Variants in RBM25 observed in about 807,000 individuals in gnomAD.
RBM25 encodes the protein RNA binding motif protein 25.
RBM25 carries 19 observed loss-of-function variants against 120.7 expected under a neutral mutation model. The observed-to-expected ratio is 0.16, with a 90% CI of 0.11 to 0.23. The LOEUF (loss-of-function observed/expected upper bound fraction) is 0.23, where lower values mean the gene tolerates loss of function less well. RBM25 is among the 10% of genes least tolerant of loss of function. The pLI, the probability that RBM25 is intolerant of heterozygous loss-of-function variation, is 1.00. For synonymous variants in RBM25, 390 were observed against 326.7 expected (o/e 1.19, Z -2.09); for missense variants, 605 against 1,041.5 (o/e 0.58, Z 5.77).
At chr14:73,107,001 A>C (rs1896204603) in intron 12 of RBM25, among the ~76,000 whole-genome samples, 1 of 152,000 alleles carries the variant, frequency 6.6e-6, no homozygotes, top group African/African-American at 2.4e-5. Context: ...CACAACACCC[A>C]GCTAATATTT....
chr14:73,069,734 G>A (rs1194084175), intron 1 of RBM25: 2 of 87,946 alleles, frequency 2.3e-5, no homozygotes, highest in Non-Finnish European at 4.2e-5. Flanking sequence ...GTGCCTGGCC[G>A]ACCCTGTTTC....
chr14:73,070,433 T>C (rs1895256924), intron 1 of RBM25, among the ~76,000 whole-genome samples: 1 of 12,850 alleles, frequency 7.8e-5, no homozygotes, highest in South Asian at 4.4e-3. Context: ...CAAAGTTTAC[T>C]TTTAAGTTTA....
intron 1 of RBM25, among the ~76,000 whole-genome samples, chr14:73,065,577 A>G (rs1423657852): frequency 6.6e-6 from 1 of 151,548 alleles, no homozygotes; most frequent in Admixed American, 6.6e-5. Flanking sequence ...GGCGCACACT[A>G]CCATGCCTGG....
intron 16 of RBM25, 42 bp downstream of exon 16, chr14:73,111,844 T>A (rs1458299121): frequency 5.2e-6 from 8 of 1,525,038 alleles, no homozygotes; most frequent in Non-Finnish European, 7.0e-6. Flanking sequence ...TGGGAACAGT[T>A]GGAATATGCC....
rs570295615 is a variant in RBM25 at position 73,074,903 on chromosome 14, G to C, written c.107-1416G>C. 2.0e-4 allele frequency among the ~76,000 whole-genome samples: 31 copies of C among 151,538 alleles called. No homozygotes were observed. In the South Asian group the frequency reaches 3.7e-3, roughly 18 times the overall value. The stretch of plus-strand genomic sequence containing the variant: ...GTATTTTCTGTAGAGATGGGGTTTT[G>C]CCGTGTTGGCTCAAGCGATGTGCCT... On this transcript the variant is annotated intron_variant, in intron 2 of 18. Transcript: ENST00000261973.
chr14:73,068,657 G>C, intron 1 of RBM25: 2 of 370,064 alleles, frequency 5.4e-6, no homozygotes, highest in Non-Finnish European at 1.0e-5. Flanking sequence ...AGAAGGAAGC[G>C]CCAGGGACGC....
intron 5 of RBM25, 123 bp from the exon 6 acceptor site, chr14:73,087,878 G>A (rs1895724898): frequency 2.2e-6 from 2 of 894,424 alleles, no homozygotes; most frequent in African/African-American, 1.7e-5. Flanking sequence ...GGACAGGGGT[G>A]GAATTATGAA....
At chr14:73,089,161 A>G (rs573489478) in intron 6 of RBM25, among the ~76,000 whole-genome samples, 2 of 152,242 alleles carry the variant, frequency 1.3e-5, no homozygotes, top group South Asian at 2.1e-4. Flanking sequence ...AAAAAAGAAA[A>G]AAGAAATACC....
intron 5 of RBM25, among the ~76,000 whole-genome samples, chr14:73,084,470 C>A (rs545491802): frequency 5.3e-5 from 8 of 152,102 alleles, no homozygotes; most frequent in African/African-American, 1.9e-4. Flanking sequence ...TATAATTTGC[C>A]ATTAATCTAT....
chr14:73,089,366 GT>G (rs200569308), intron 6 of RBM25, among the ~76,000 whole-genome samples: 2 of 151,198 alleles, frequency 1.3e-5, no homozygotes, highest in Non-Finnish European at 3.0e-5. Context: ...TTTGTTTTTT[GT>G]TTTTTTTGAG....
intron 6 of RBM25, among the ~76,000 whole-genome samples, chr14:73,092,620 C>T (rs982905901): frequency 4.6e-5 from 7 of 150,824 alleles, no homozygotes; most frequent in Admixed American, 2.0e-4. Context: ...ATGTTCACCA[C>T]GTGCAGGTTT....
intron 1 of RBM25, among the ~76,000 whole-genome samples, chr14:73,062,680 T>G: frequency 6.6e-6 from 1 of 151,460 alleles, no homozygotes; most frequent in East Asian, 1.9e-4. Flanking sequence ...TCTTCAGGGT[T>G]TCTTTTTGGA....
intron 4 of RBM25, among the ~76,000 whole-genome samples, chr14:73,082,530 A>G (rs1047394496): frequency 6.6e-5 from 10 of 152,048 alleles, no homozygotes; most frequent in South Asian, 2.1e-4. Flanking sequence ...GGCTCAAGCA[A>G]TCCTTCCACA....
chr14:73,071,560 A>G, intron 1 of RBM25, 67 bp from the exon 2 acceptor site: 2 of 1,138,886 alleles, frequency 1.8e-6, no homozygotes, highest in Non-Finnish European at 2.6e-6. Context: ...ATGAAAGTCA[A>G]CAAAGAAGGC....
At chr14:73,112,389 T>G (rs939672165) in intron 17 of RBM25, 139 bp downstream of exon 17, 7 of 795,986 alleles carry the variant, frequency 8.8e-6, no homozygotes, top group Non-Finnish European at 1.2e-5. Flanking sequence ...TCTGCTTTTT[T>G]AAAGTTATTT....
intron 10 of RBM25, among the ~76,000 whole-genome samples, chr14:73,103,948 T>TCACACACACACACACA (rs368961634): frequency 1.1e-5 from 1 of 91,348 alleles, no homozygotes; most frequent in Non-Finnish European, 2.4e-5. Flanking sequence ...TCTCTCTCTC[T>TCACACACACACACACA]CACACACACA....
At chr14:73,116,068 AGTT>A (rs1251967894) in intron 18 of RBM25, among the ~76,000 whole-genome samples, 3 of 151,798 alleles carry the variant, frequency 2.0e-5, no homozygotes, top group Admixed American at 6.6e-5. Context: ...ACGTCCATGG[AGTT>A]GTTTTTTTTT....
At chr14:73,118,701 T>C (rs1452097996) in intron 18 of RBM25, among the ~76,000 whole-genome samples, 1 of 152,108 alleles carries the variant, frequency 6.6e-6, no homozygotes, top group East Asian at 1.9e-4. Flanking sequence ...TATGGTACTC[T>C]TTGTGTTTAG....
chr14:73,070,741 G>C (rs990801714), intron 1 of RBM25, among the ~76,000 whole-genome samples: 3 of 152,132 alleles, frequency 2.0e-5, no homozygotes, highest in African/African-American at 7.2e-5. Context: ...GAGATCAGGA[G>C]ACCGAGACCA....
Sources: allele counts gnomAD v4.1 joint callset (sites outside exome capture counted in the v4.1 genomes callset), GRCh38; gene constraint gnomAD v4.1.1; transcripts MANE v1.5; gene names NCBI Gene and HGNC (gene_info 2026-07-23, HGNC 2026-07-21).